ORC4: variants seen among roughly 807,000 people sequenced by gnomAD.
The protein encoded by ORC4 is origin recognition complex, subunit 4 homolog.
A neutral mutation model predicts 63.9 loss-of-function variants in ORC4; 55 were observed. The ratio of observed to expected loss-of-function variants is 0.86; its 90% confidence interval spans 0.69 to 1.08. The LOEUF is 1.08. Among genes scored for constraint, ORC4 ranks in the 50% least tolerant of loss-of-function variants. The probability of loss-of-function intolerance (pLI) is 0.00; values close to 1 mark genes in which losing one functional copy is unlikely to be tolerated. For missense variants in ORC4, 511 were observed against 504.4 expected (o/e 1.01, Z -0.13); for synonymous variants, 150 against 168.5 (o/e 0.89, Z 0.85).
chr2:147,991,424 A>G (rs1473023510), intron 1 of ORC4, among the ~76,000 whole-genome samples: 1 of 152,236 alleles, frequency 6.6e-6, no homozygotes, highest in Non-Finnish European at 1.5e-5. Context: ...ATAAGCCAAT[A>G]AAGTTGTTTT....
intron 7 of ORC4, among the ~76,000 whole-genome samples, chr2:147,952,928 A>G (rs1177858803): frequency 6.6e-6 from 1 of 152,104 alleles, no homozygotes; most frequent in African/African-American, 2.4e-5. Context: ...CGGGAGGCTG[A>G]GGCAGGAGAA....
chr2:147,934,676 G>A lies in ORC4; in HGVS notation c.*834C>T, dbSNP rs1687946996. On this transcript the variant is annotated 3_prime_UTR_variant, in exon 14 of 14. Transcript: ENST00000392857. ...CCTATTACTCTTCAGCTATAGCACTGTACAGAATGTTACTGTAATCATACT... is the reference window on the plus strand; with the variant it reads ...CCTATTACTCTTCAGCTATAGCACTATACAGAATGTTACTGTAATCATACT... 6.6e-6 allele frequency: 1 copy of A among 152,070 alleles called. No homozygotes were observed. Among genetic ancestry groups the A allele is most frequent in the Non-Finnish European group, 1.5e-5 (1 of 68,010 alleles). The allele number at this position is 152,070 out of a possible 1,614,324, so 9.4% of individuals were successfully genotyped here. A position where few individuals can be genotyped will look rare whatever the true frequency, so the allele number is the denominator to read the frequency against.
At position 147,958,682 on chromosome 2, in the gene ORC4, G is replaced by T. The variant is rs865977255; in HGVS notation, c.301+109C>A. ...CATATGGTGTGCTAAGTAAAACATG[G>T]ATCTAGTTTTCAAAATCTAACTATT... On this transcript the variant is annotated intron_variant, in intron 5 of 13. Coordinates refer to ENST00000392857, the MANE Select transcript of ORC4 (RefSeq NM_181741.4). 1.6e-5 allele frequency: 11 copies of T among 680,346 alleles called. No individual in the cohort carries two copies. In the South Asian group the frequency reaches 1.9e-4, roughly 12 times the overall value. 42.1% of individuals were successfully genotyped at this position (680,346 alleles called of 1,614,324 possible). A position where few individuals can be genotyped will look rare whatever the true frequency, so the allele number is the denominator to read the frequency against.
chr2:147,979,920 C>A (rs1010464574), intron 1 of ORC4, among the ~76,000 whole-genome samples: 4 of 152,090 alleles, frequency 2.6e-5, no homozygotes, highest in Admixed American at 6.5e-5. Flanking sequence ...ATACAAAGAT[C>A]AACTAAAAAT....
At chr2:147,977,596 C>T (rs1024345373) in intron 1 of ORC4, among the ~76,000 whole-genome samples, 3 of 152,206 alleles carry the variant, frequency 2.0e-5, no homozygotes, top group Admixed American at 6.5e-5. Context: ...TCTTCATTCA[C>T]GTGACAGATT....
At chr2:147,979,987 C>G (rs1272981993) in intron 1 of ORC4, among the ~76,000 whole-genome samples, 1 of 152,072 alleles carries the variant, frequency 6.6e-6, no homozygotes, top group Non-Finnish European at 1.5e-5. Flanking sequence ...AGGGGGAAAG[C>G]TTTTTGACAC....
chr2:147,942,382 A>T lies in ORC4; in HGVS notation c.849+1054T>A, dbSNP rs866980277. Among the ~76,000 whole-genome samples the T allele has an allele frequency of 1.3e-5, 2 of 152,146 alleles. 1 individual carries two copies. Among genetic ancestry groups the T allele is most frequent in the Middle Eastern group, 6.3e-3 (2 of 316 alleles). On this transcript the variant is annotated intron_variant, in intron 10 of 13. Transcript: ENST00000392857. ...TTTGATATTGGTATTATGTAAGCTT[A>T]AGATATAATTACTTGGCAAAACATC...
intron 1 of ORC4, chr2:147,982,071 C>A (rs545516917): frequency 6.6e-6 from 1 of 152,170 alleles, no homozygotes; most frequent in Non-Finnish European, 1.5e-5. Context: ...AGTCCTCTGG[C>A]TCCAGGCTTC....
intron 1 of ORC4, among the ~76,000 whole-genome samples, chr2:147,978,434 A>G (rs62169530): frequency 0.12 from 17,783 of 152,270 alleles, 1,367 homozygotes; most frequent in Middle Eastern, 0.2. Flanking sequence ...TGCAACCAAC[A>G]GTGGCAGGAG....
At chr2:147,950,076 T>C (rs1688869863) in intron 8 of ORC4, among the ~76,000 whole-genome samples, 1 of 152,140 alleles carries the variant, frequency 6.6e-6, no homozygotes, top group Non-Finnish European at 1.5e-5. Context: ...TAAAAAATTT[T>C]GAATGTTTTT....
At chr2:148,012,610 C>A (rs1245186586) in intron 1 of ORC4, among the ~76,000 whole-genome samples, 1 of 151,822 alleles carries the variant, frequency 6.6e-6, no homozygotes, top group Non-Finnish European at 1.5e-5. Context: ...GAGATCTCTC[C>A]AAGCCAAAAA....
chr2:147,968,576 C>T (rs1475709580), intron 4 of ORC4, among the ~76,000 whole-genome samples: 1 of 151,924 alleles, frequency 6.6e-6, no homozygotes. Context: ...AAATAGAAAC[C>T]ACAGTGAGGT....
upstream of ORC4, chr2:148,021,211 C>A (rs1480481810): frequency 1.6e-5 from 4 of 248,930 alleles, no homozygotes; most frequent in Non-Finnish European, 3.3e-5. Context: ...CCACTTCAAC[C>A]TTGAATTCAG....
In ORC4 at chr2:147,938,408, A is replaced by G. The variant is rs556939226; in HGVS notation, c.959-15T>C. ...GACTGATAGACCTACAGTAAAAGGG[A>G]AAAAAAACTATCAGTTTAATGACAT... On this transcript the variant is annotated splice_polypyrimidine_tract_variant and intron_variant, in intron 11 of 13. Transcript: ENST00000392857. The G allele has an allele frequency of 2.3e-5, 31 of 1,371,038 alleles. No homozygotes were observed. The South Asian group carries it at 2.8e-4, about 12-fold the overall frequency. 84.9% of individuals were successfully genotyped at this position (1,371,038 alleles called of 1,614,324 possible).
At chr2:147,936,026 A>C (rs949208534) in intron 13 of ORC4, among the ~76,000 whole-genome samples, 1 of 152,176 alleles carries the variant, frequency 6.6e-6, no homozygotes, top group Admixed American at 6.6e-5. Flanking sequence ...AATAGTTTCC[A>C]GTTCTCTGTA....
At chr2:148,004,395 G>C (rs1692496840) in intron 1 of ORC4, among the ~76,000 whole-genome samples, 14 of 152,178 alleles carry the variant, frequency 9.2e-5, no homozygotes, top group Admixed American at 9.2e-4. Flanking sequence ...AAGCAGCATA[G>C]TACTGGTACC....
intron 1 of ORC4, among the ~76,000 whole-genome samples, chr2:147,999,585 T>G (rs918136444): frequency 3.9e-5 from 6 of 152,140 alleles, no homozygotes; most frequent in Non-Finnish European, 8.8e-5. Flanking sequence ...AAATTTCTCT[T>G]AGGGGGCCAA....
rs551847037 is a variant in ORC4, at chr2:147,955,379, T to G, written c.404A>C (p.Asn135Thr). 2.5e-6 allele frequency: 4 copies of G among 1,605,334 alleles called. No individual in the cohort carries two copies. Among genetic ancestry groups the G allele is most frequent in the East Asian group, 4.5e-5 (2 of 44,576 alleles). ...GDKVFGSFAE[N>T]LSFLLEALKK... ...TAAAGCTTCCAGAAGAAATGAAAGG[T>G]TTTCAGCAAAGCTTCCCTGAACAAC... Residue 135 changes from asparagine (N) to threonine (T), a missense_variant, in exon 7 of 14, where the codon AAC (asparagine) becomes ACC (threonine). Coordinates refer to ENST00000392857, the MANE Select transcript of ORC4 (RefSeq NM_181741.4).
intron 11 of ORC4, 164 bp from the exon 12 acceptor site, chr2:147,938,557 GTTAC>G: frequency 1.7e-6 from 1 of 589,606 alleles, no homozygotes; most frequent in Non-Finnish European, 3.0e-6. Context: ...ATAAATTTAA[GTTAC>G]TTAACCTCCC....
Sources: allele counts gnomAD v4.1 joint callset (sites outside exome capture counted in the v4.1 genomes callset), GRCh38; gene constraint gnomAD v4.1.1; transcripts MANE v1.5; gene names NCBI Gene and HGNC (gene_info 2026-07-23, HGNC 2026-07-21).